The following SETD5 variants were observed in gnomAD, a reference collection of about 807,000 sequenced individuals.
SETD5 encodes the protein histone-lysine N-methyltransferase SETD5.
In SETD5, 44 loss-of-function variants were observed where a neutral mutation model predicts 153.3. That is an observed-to-expected ratio of 0.29 (90% CI 0.23 to 0.37). The LOEUF (loss-of-function observed/expected upper bound fraction) is 0.37. SETD5 is among the 10% of genes least tolerant of loss of function. The pLI is 1.00. For missense variants in SETD5, 1,544 were observed against 1,768.0 expected, an observed-to-expected ratio of 0.87 and a Z score of 2.27; for synonymous variants, 716 against 645.2, an observed-to-expected ratio of 1.11 and a Z score of -1.66.
At chr3:9,407,299 G>C (rs1252194869) in intron 1 of SETD5, among the ~76,000 whole-genome samples, 2 of 152,168 alleles carry the variant, frequency 1.3e-5, no homozygotes, top group African/African-American at 4.8e-5. Context: ...CTGCATTCCA[G>C]CCTGGGAGAC....
chr3:9,464,853 C>A, intron 18 of SETD5, 181 bp downstream of exon 18: 1 of 820,536 alleles, frequency 1.2e-6, no homozygotes, highest in Non-Finnish European at 1.9e-6. Flanking sequence ...TCTTGGCAGC[C>A]CCTATGCTTC....
intron 1 of SETD5, among the ~76,000 whole-genome samples, chr3:9,416,552 T>G (rs2037501585): frequency 1.3e-5 from 2 of 152,206 alleles, no homozygotes; most frequent in African/African-American, 4.8e-5. Flanking sequence ...AAGACTTTTT[T>G]TAATAACCAC....
At chr3:9,432,982 A>G (rs562231066) in intron 3 of SETD5, among the ~76,000 whole-genome samples, 1 of 152,230 alleles carries the variant, frequency 6.6e-6, no homozygotes, top group Non-Finnish European at 1.5e-5. Flanking sequence ...TAGCTGTGTC[A>G]GTGTGTAACC....
At chr3:9,408,460 G>C (rs1006028915) in intron 1 of SETD5, among the ~76,000 whole-genome samples, 1 of 152,158 alleles carries the variant, frequency 6.6e-6, no homozygotes, top group African/African-American at 2.4e-5. Flanking sequence ...CATTTGATCA[G>C]GATAAGGTCC....
chr3:9,437,863 C>T (rs893406034), intron 7 of SETD5, among the ~76,000 whole-genome samples: 2 of 151,906 alleles, frequency 1.3e-5, no homozygotes, highest in African/African-American at 2.4e-5. Context: ...ATTAGCCAGG[C>T]GTGGTGGCAG....
At chr3:9,475,261 A>G in intron 22 of SETD5, 105 bp downstream of exon 22, 1 of 1,237,594 alleles carries the variant, frequency 8.1e-7, no homozygotes, top group Non-Finnish European at 1.1e-6. Flanking sequence ...ATATAGTTTC[A>G]GCAGCCTTGG....
At chr3:9,426,795 C>T (rs2039318957) in intron 2 of SETD5, among the ~76,000 whole-genome samples, 1 of 152,196 alleles carries the variant, frequency 6.6e-6, no homozygotes, top group Admixed American at 6.5e-5. Context: ...GCCTCAGCCT[C>T]CCAAAGTGCT....
At chr3:9,410,962 C>G (rs906702276) in intron 1 of SETD5, among the ~76,000 whole-genome samples, 1 of 151,362 alleles carries the variant, frequency 6.6e-6, no homozygotes, top group African/African-American at 2.4e-5. Context: ...GATCTCAGCT[C>G]ACTGCAACCT....
chr3:9,406,531 C>T lies in SETD5; in HGVS notation c.-177+8554C>T, dbSNP rs558189752. ...GCTGAGGCAGGAGAATGGCGTGAAC[C>T]CGGGAGGCGGAGCCTGCAGTGAGCC... On this transcript the variant is annotated intron_variant, in intron 1 of 22. Transcript: ENST00000402198. 6.7e-5 allele frequency among the ~76,000 whole-genome samples: 10 copies of T among 150,162 alleles called. No homozygotes were observed. In the East Asian group the frequency reaches 1.6e-3, roughly 24 times the overall value.
intron 16 of SETD5, chr3:9,449,427 C>A (rs950482527): frequency 2.0e-5 from 3 of 152,190 alleles, no homozygotes; most frequent in African/African-American, 7.2e-5. Flanking sequence ...TTCATTTGGT[C>A]TTCCTTTGAG....
chr3:9,434,943 T>C lies in SETD5; in HGVS notation c.388+61T>C. ...TAAAAATATTCTGTGATCTGAATGT[T>C]CATTTTAAGAACCCCTCTTGGCCAG... On this transcript the variant is annotated intron_variant, in intron 6 of 22. Transcript: ENST00000402198. The surrounding 1 kb of genome is among the most constrained non-coding windows in gnomAD (Gnocchi z 5.6). 6.4e-7 allele frequency: 1 copy of C among 1,571,836 alleles called. No individual in the cohort carries two copies.
rs766108980 is a variant in SETD5, at chr3:9,475,946, G to A, written c.4184G>A (p.Gly1395Glu). 2 of 1,613,992 alleles carry A rather than the reference G, an allele frequency of 1.2e-6. No homozygotes were observed. Among genetic ancestry groups the A allele is most frequent in the East Asian group, 2.2e-5 (1 of 44,882 alleles). Residue 1395 changes from glycine to glutamate, a missense_variant, in exon 23 of 23, where the codon GGG becomes GAG. Gly to Glu is a moderately conservative substitution (Grantham distance 98, BLOSUM62 -2). Coordinates refer to ENST00000402198, the MANE Select transcript of SETD5 (RefSeq NM_001080517.3). ...CGGACTATCAGTCTGCCCAGTGCTGGGCAGTCAGCTGTCTACCAGGCCTCC... is the reference window on the plus strand; with the variant it reads ...CGGACTATCAGTCTGCCCAGTGCTGAGCAGTCAGCTGTCTACCAGGCCTCC... ...DLRTISLPSA[G>E]QSAVYQASRV...
At chr3:9,467,407 G>C (rs959134997) in intron 18 of SETD5, among the ~76,000 whole-genome samples, 3 of 151,916 alleles carry the variant, frequency 2.0e-5, no homozygotes, top group Non-Finnish European at 4.4e-5. Context: ...GGGAGGACAA[G>C]CTTAGTTAGC....
At chr3:9,428,707 C>T (rs1189761520) in intron 2 of SETD5, 116 bp from the exon 3 acceptor site, 3 of 324,890 alleles carry the variant, frequency 9.2e-6, no homozygotes, top group Non-Finnish European at 5.7e-6. Context: ...ATAATTATCC[C>T]TTAAAAGCCT....
Position 9,434,094 on chromosome 3 carries a change from G to A in SETD5, c.177+144G>A, listed in dbSNP as rs968286475. On this transcript the variant is annotated intron_variant, in intron 4 of 22. Coordinates refer to ENST00000402198, the MANE Select transcript of SETD5 (RefSeq NM_001080517.3). The surrounding 1 kb of genome is among the most constrained non-coding windows in gnomAD (Gnocchi z 5.6). ...CTTCCCTGACTCCAGCGGACGTCTA[G>A]CCCTGCATCATTGTTCTTGTTTTTA... 9 of 1,568,060 alleles carry A rather than the reference G, an allele frequency of 5.7e-6. No homozygotes were observed. In the African/African-American group the frequency reaches 1.1e-4, roughly 19 times the overall value.
intron 3 of SETD5, chr3:9,431,483 C>G (rs1433907289): frequency 1.1e-6 from 1 of 946,314 alleles, no homozygotes. Context: ...GTATATATAT[C>G]AAGGAATATT....
At position 9,433,840 on chromosome 3, in the gene SETD5, T is replaced by C; in HGVS notation, c.72-5T>C. 6.2e-7 allele frequency: 1 copy of C among 1,613,672 alleles called. No homozygotes were observed. ...TATCATGCATTGCTTTTCGCCTTTGTGCAGCCCTGAATCTGTGGAGGCTAG... is the reference window on the plus strand; with the variant it reads ...TATCATGCATTGCTTTTCGCCTTTGCGCAGCCCTGAATCTGTGGAGGCTAG... On this transcript the variant is annotated splice_polypyrimidine_tract_variant and splice_region_variant and intron_variant, in intron 3 of 22. Coordinates refer to ENST00000402198, the MANE Select transcript of SETD5 (RefSeq NM_001080517.3).
chr3:9,470,883 G>A lies in SETD5; in HGVS notation c.3149G>A (p.Cys1050Tyr). Residue 1050 changes from cysteine (C) to tyrosine (Y), a missense_variant, in exon 19 of 23, where the codon TGT becomes TAT. Coordinates refer to ENST00000402198, the MANE Select transcript of SETD5 (RefSeq NM_001080517.3). ...GSLSPGGERA[C>Y]EGVPSAPQNP... ...TTGTCACCTGGTGGTGAAAGGGCCT[G>A]TGAAGGAGTCCCATCTGCCCCCCAG... The A allele has an allele frequency of 6.2e-7, 1 of 1,609,074 alleles. No homozygotes were observed. Among genetic ancestry groups the A allele is most frequent in the Non-Finnish European group, 8.5e-7 (1 of 1,177,448 alleles).
At chr3:9,451,549 A>G (rs372994723) in intron 16 of SETD5, among the ~76,000 whole-genome samples, 1 of 152,098 alleles carries the variant, frequency 6.6e-6, no homozygotes, top group South Asian at 2.1e-4. Context: ...CTGGGCTCAA[A>G]TGGTCCTCCT....
Sources: gnomAD v4.1 joint callset for allele counts (sites outside exome capture counted in the v4.1 genomes callset) on GRCh38, gnomAD v4.1.1 for gene constraint, Gnocchi (gnomAD v3.1) non-coding constraint, MANE v1.5 for transcripts, NCBI Gene and HGNC (gene_info 2026-07-23, HGNC 2026-07-21) for gene names.